Variants in BTG4 observed in about 807,000 individuals in gnomAD.
The protein encoded by BTG4 is BTG anti-proliferation factor 4.
BTG4 carries 10 observed loss-of-function variants against 19.3 expected under a neutral mutation model. The ratio of observed to expected loss-of-function variants is 0.52; its 90% confidence interval spans 0.32 to 0.88. The LOEUF is 0.88. Among genes scored for constraint, BTG4 ranks in the 40% least tolerant of loss-of-function variants. The probability of loss-of-function intolerance (pLI) is 0.04; values close to 1 mark genes in which losing one functional copy is unlikely to be tolerated. For missense variants in BTG4, 238 were observed against 281.9 expected, an observed-to-expected ratio of 0.84 and a Z score of 1.11; for synonymous variants, 91 against 95.7, an observed-to-expected ratio of 0.95 and a Z score of 0.29.
intron 5 of BTG4, among the ~76,000 whole-genome samples, chr11:111,489,760 T>G (rs1865299509): frequency 6.6e-6 from 1 of 151,846 alleles, no homozygotes; most frequent in South Asian, 2.1e-4. Flanking sequence ...AAGACAAATA[T>G]TATATGTTCT....
At chr11:111,405,343 G>A in the BTG4 span, among the ~76,000 whole-genome samples, 1 of 142,376 alleles carries the variant, frequency 7.0e-6, no homozygotes, top group African/African-American at 2.7e-5. Flanking sequence ...GGCGGAGGGT[G>A]TGGTGACCCA....
chr11:111,499,560 T>C (rs1865942141), intron 1 of BTG4, among the ~76,000 whole-genome samples: 1 of 152,234 alleles, frequency 6.6e-6, no homozygotes, highest in South Asian at 2.1e-4. Context: ...ATCTTATCTT[T>C]TATAACACAG....
At chr11:111,408,517 C>T in the BTG4 span, among the ~76,000 whole-genome samples, 12 of 152,234 alleles carry the variant, frequency 7.9e-5, no homozygotes, top group African/African-American at 2.9e-4. Flanking sequence ...TCAGTGTCCT[C>T]ACCTGCACCA....
Position 111,498,124 on chromosome 11 carries a change from A to T in BTG4, c.185T>A (p.Ile62Lys), listed in dbSNP as rs1230919510. 6.2e-7 allele frequency: 1 copy of T among 1,613,986 alleles called. No homozygotes were observed. Among genetic ancestry groups the T allele is most frequent in the South Asian group, 1.1e-5 (1 of 91,072 alleles). Reference sequence around the variant, plus strand: ...GGGATCTTTATTCTGATTGTTGTTTATCCTGATGCACCTTTTTAAAAAGCG... The same window carrying T: ...GGGATCTTTATTCTGATTGTTGTTTTTCCTGATGCACCTTTTTAAAAAGCG... The part of the protein sequence containing the change: ...SKGQAFRCIR[I>K]NNNQNKDPIL... The change falls in exon 3 of 5, where the codon ATA becomes AAA. Residue 62 changes from isoleucine (I) to lysine (K), a missense_variant. By Grantham distance (102) the Ile-to-Lys change is moderately radical (BLOSUM62 -3). Transcript: ENST00000692032.
At chr11:111,392,603 G>C in the BTG4 span, among the ~76,000 whole-genome samples, 2 of 152,134 alleles carry the variant, frequency 1.3e-5, no homozygotes, top group African/African-American at 4.8e-5. Flanking sequence ...TGAGGCTGCC[G>C]GTCCAGGGAT....
chr11:111,426,057 A>G, the BTG4 span, among the ~76,000 whole-genome samples: 1 of 152,072 alleles, frequency 6.6e-6, no homozygotes, highest in Non-Finnish European at 1.5e-5. Flanking sequence ...GGAGAAACTG[A>G]CCTGGGCTCT....
the BTG4 span, among the ~76,000 whole-genome samples, chr11:111,395,847 G>C: frequency 6.6e-6 from 1 of 152,196 alleles, no homozygotes; most frequent in Non-Finnish European, 1.5e-5. Flanking sequence ...AACTTACCCT[G>C]CAGACAAATG....
At chr11:111,434,806 C>T in the BTG4 span, among the ~76,000 whole-genome samples, 1 of 152,122 alleles carries the variant, frequency 6.6e-6, no homozygotes, top group Non-Finnish European at 1.5e-5. Context: ...AGAGGACCAC[C>T]CATCCAGGAA....
chr11:111,405,148 G>A, the BTG4 span, among the ~76,000 whole-genome samples: 2 of 152,142 alleles, frequency 1.3e-5, no homozygotes, highest in Non-Finnish European at 2.9e-5. Context: ...GCTCATGCCT[G>A]TAATCCCAGC....
chr11:111,422,032 A>G, the BTG4 span, among the ~76,000 whole-genome samples: 6 of 152,218 alleles, frequency 3.9e-5, no homozygotes, highest in East Asian at 7.7e-4. Flanking sequence ...ACCTCTCCCT[A>G]TCTCTGAAAC....
chr11:111,508,942 A>G (rs558380942), intron 1 of BTG4, among the ~76,000 whole-genome samples: 4 of 152,056 alleles, frequency 2.6e-5, no homozygotes, highest in African/African-American at 9.6e-5. Context: ...GATGGAAAAT[A>G]TGCAACCTGT....
intron 1 of BTG4, among the ~76,000 whole-genome samples, chr11:111,499,961 G>A (rs1047065489): frequency 4.6e-5 from 7 of 151,964 alleles, no homozygotes; most frequent in African/African-American, 1.2e-4. Flanking sequence ...GGCCAACATG[G>A]TGAAACCCCG....
the BTG4 span, among the ~76,000 whole-genome samples, chr11:111,424,414 G>A: frequency 1.3e-5 from 2 of 152,216 alleles, no homozygotes; most frequent in South Asian, 2.1e-4. Context: ...AATGCTGGGC[G>A]TCCTGCCCCA....
chr11:111,482,833 T>C (rs1864821648), intron 5 of BTG4, among the ~76,000 whole-genome samples: 1 of 133,840 alleles, frequency 7.5e-6, no homozygotes, highest in African/African-American at 2.9e-5. Flanking sequence ...AACATAAAAC[T>C]TTAGAAAAAA....
the BTG4 span, among the ~76,000 whole-genome samples, chr11:111,434,290 C>T: frequency 6.6e-6 from 1 of 152,212 alleles, no homozygotes; most frequent in Non-Finnish European, 1.5e-5. Flanking sequence ...TCTCAGCAAA[C>T]TGTCACAAGG....
chr11:111,466,736 A>G (rs925967115), downstream of BTG4: 2 of 152,678 alleles, frequency 1.3e-5, no homozygotes, highest in Non-Finnish European at 2.9e-5. Context: ...TGATCTCTGT[A>G]GACCCAAAGA....
the BTG4 span, among the ~76,000 whole-genome samples, chr11:111,413,775 C>T: frequency 1.4e-4 from 21 of 152,302 alleles, no homozygotes; most frequent in African/African-American, 5.1e-4. Context: ...GAAGGCTCAG[C>T]AGTAGGTTCT....
chr11:111,467,718 C>A (rs149916604), intron 5 of BTG4: 3 of 739,028 alleles, frequency 4.1e-6, no homozygotes, highest in Admixed American at 4.2e-5. Flanking sequence ...GCAAAAAGAA[C>A]AAATTTTATA....
At chr11:111,498,193 C>A in intron 2 of BTG4, 58 bp from the exon 3 acceptor site, 1 of 1,575,398 alleles carries the variant, frequency 6.3e-7, no homozygotes, top group South Asian at 1.1e-5. Context: ...GCAGGAGAAT[C>A]ACATTATGCA....
Sources: gnomAD v4.1 joint callset for allele counts (sites outside exome capture counted in the v4.1 genomes callset) on GRCh38, gnomAD v4.1.1 for gene constraint, MANE v1.5 for transcripts, NCBI Gene and HGNC (gene_info 2026-07-23, HGNC 2026-07-21) for gene names.